Variants in EIPR1 observed in about 807,000 individuals in gnomAD.
The protein encoded by EIPR1 is EARP and GARP complex-interacting protein 1.
In EIPR1, 25 loss-of-function variants were observed where a neutral mutation model predicts 48.1. That is an observed-to-expected ratio of 0.52 (90% CI 0.38 to 0.73). EIPR1 has a LOEUF of 0.73. EIPR1 is among the 30% of genes least tolerant of loss of function. The probability of loss-of-function intolerance (pLI) is 0.00; values close to 1 mark genes in which losing one functional copy is unlikely to be tolerated. For missense variants in EIPR1, 415 were observed against 506.2 expected (o/e 0.82, Z 1.73); for synonymous variants, 204 against 201.9 (o/e 1.01, Z -0.09).
At chr2:3,285,354 G>A (rs1239368893) in intron 3 of EIPR1, among the ~76,000 whole-genome samples, 1 of 30,500 alleles carries the variant, frequency 3.3e-5, no homozygotes. Flanking sequence ...CCAGGTCCCA[G>A]CTGTGGTGGA....
chr2:3,309,619 C>T (rs978971309), intron 3 of EIPR1, among the ~76,000 whole-genome samples: 4 of 152,094 alleles, frequency 2.6e-5, no homozygotes, highest in Admixed American at 2.0e-4. Flanking sequence ...CAAAAAATCC[C>T]ACCTCCCAAA....
chr2:3,331,024 G>T (rs1191673807), intron 3 of EIPR1, among the ~76,000 whole-genome samples: 1 of 151,840 alleles, frequency 6.6e-6, no homozygotes, highest in Non-Finnish European at 1.5e-5. Flanking sequence ...GGTGGTGTGA[G>T]CAGAGGCAGG....
chr2:3,247,336 G>A (rs1249025003), intron 4 of EIPR1, among the ~76,000 whole-genome samples: 2 of 152,144 alleles, frequency 1.3e-5, no homozygotes, highest in African/African-American at 2.4e-5. Context: ...CTACAGTGAA[G>A]GTGCATAACT....
chr2:3,285,679 G>A (rs1225331450), intron 3 of EIPR1, among the ~76,000 whole-genome samples: 2 of 146,054 alleles, frequency 1.4e-5, no homozygotes, highest in Admixed American at 6.8e-5. Flanking sequence ...ACCCTCGCAC[G>A]GAGCAGAAGT....
rs555060968 is a variant in EIPR1, at chr2:3,199,524, C to T, written c.517-2507G>A. On this transcript the variant is annotated intron_variant, in intron 5 of 8. Coordinates refer to ENST00000382125, the MANE Select transcript of EIPR1 (RefSeq NM_003310.5). Reference sequence around the variant, plus strand: ...GTTCGCAGTCCCTGACTTCCTGCAACACCTTGTGGTGGTGAGAAGAGGTCA... The same window carrying T: ...GTTCGCAGTCCCTGACTTCCTGCAATACCTTGTGGTGGTGAGAAGAGGTCA... Among the ~76,000 whole-genome samples, 4 of 152,370 alleles carry T rather than the reference C, an allele frequency of 2.6e-5. No individual in the cohort carries two copies. In the East Asian group the frequency reaches 5.8e-4, roughly 22 times the overall value.
At chr2:3,263,729 G>C (rs1667405528) in intron 3 of EIPR1, among the ~76,000 whole-genome samples, 1 of 152,188 alleles carries the variant, frequency 6.6e-6, no homozygotes, top group African/African-American at 2.4e-5. Context: ...ACGCGGCACG[G>C]TGCCGGACCC....
chr2:3,243,588 G>A (rs1039897554), intron 4 of EIPR1, among the ~76,000 whole-genome samples: 69 of 152,050 alleles, frequency 4.5e-4, no homozygotes, highest in African/African-American at 1.5e-3. Flanking sequence ...CCGAGATCGC[G>A]CCACTGCACT....
At chr2:3,364,613 T>C (rs1400255046) in intron 1 of EIPR1, among the ~76,000 whole-genome samples, 1 of 149,952 alleles carries the variant, frequency 6.7e-6, no homozygotes, top group African/African-American at 2.5e-5. Context: ...CCAGCCTGGG[T>C]GACAGAGTGA....
intron 1 of EIPR1, among the ~76,000 whole-genome samples, chr2:3,357,392 A>T (rs1670754973): frequency 6.6e-6 from 1 of 152,234 alleles, no homozygotes; most frequent in South Asian, 2.1e-4. Context: ...GAGTTGTTAA[A>T]GCAAACTAAA....
At position 3,189,170 on chromosome 2, in the gene EIPR1, C is replaced by A; in HGVS notation, c.*164G>T. On this transcript the variant is annotated 3_prime_UTR_variant, in exon 9 of 9. Coordinates refer to ENST00000382125, the MANE Select transcript of EIPR1 (RefSeq NM_003310.5). This position sits in a 1 kb window ranked among gnomAD's most constrained non-coding sequence, Gnocchi z 4.6. The stretch of plus-strand genomic sequence containing the variant: ...ATTAGCTGTGCCGTCGACAATAGCC[C>A]CATTCACCCCATTCATAAATGCTGC... The A allele has an allele frequency of 1.5e-6, 1 of 675,524 alleles. No individual in the cohort carries two copies. The highest frequency in any genetic ancestry group is 2.3e-6 in the Non-Finnish European group (1 of 440,470). The allele number at this position is 675,524 out of a possible 1,614,324, so 41.8% of individuals were successfully genotyped here. A position where few individuals can be genotyped will look rare whatever the true frequency, so the allele number is the denominator to read the frequency against.
At chr2:3,300,372 C>G (rs1668729559) in intron 3 of EIPR1, among the ~76,000 whole-genome samples, 1 of 152,172 alleles carries the variant, frequency 6.6e-6, no homozygotes, top group Non-Finnish European at 1.5e-5. Flanking sequence ...ATCTAAATGC[C>G]TTTACACAGG....
At chr2:3,274,436 G>C (rs866617110) in intron 3 of EIPR1, 3 of 1,549,584 alleles carry the variant, frequency 1.9e-6, no homozygotes, top group South Asian at 2.4e-5. Flanking sequence ...AAAAAGTCAG[G>C]GCAGAACTGT....
chr2:3,361,761 C>T (rs1247760477), intron 1 of EIPR1, among the ~76,000 whole-genome samples: 2 of 150,408 alleles, frequency 1.3e-5, no homozygotes, highest in Non-Finnish European at 3.0e-5. Context: ...CCTTGGACTC[C>T]CTCACACGGG....
chr2:3,258,556 A>G (rs942519918), intron 3 of EIPR1, among the ~76,000 whole-genome samples: 3 of 152,248 alleles, frequency 2.0e-5, no homozygotes, highest in African/African-American at 7.2e-5. Context: ...GCATTACAAA[A>G]TAACAACGAC....
At chr2:3,358,688 C>A (rs1670789085) in intron 1 of EIPR1, among the ~76,000 whole-genome samples, 1 of 152,178 alleles carries the variant, frequency 6.6e-6, no homozygotes, top group African/African-American at 2.4e-5. Context: ...TGACGCTATC[C>A]AATTTAAACA....
chr2:3,240,033 C>A (rs1300319390), intron 4 of EIPR1, among the ~76,000 whole-genome samples: 1 of 143,812 alleles, frequency 7.0e-6, no homozygotes, highest in East Asian at 2.0e-4. Context: ...GCCAGCAGAT[C>A]CTTCCTAAGG....
intron 2 of EIPR1, among the ~76,000 whole-genome samples, chr2:3,341,121 C>CAAAAAAAAAAAAAA (rs1258563248): frequency 1.1e-5 from 1 of 91,592 alleles, no homozygotes; most frequent in Non-Finnish European, 2.1e-5. Flanking sequence ...AAAAAAAAAA[C>CAAAAAAAAAAAAAA]AAAACAAAAC....
At chr2:3,294,131 A>G (rs1668455282) in intron 3 of EIPR1, among the ~76,000 whole-genome samples, 1 of 152,146 alleles carries the variant, frequency 6.6e-6, no homozygotes, top group East Asian at 1.9e-4. Context: ...ATTGTGTAGA[A>G]GTAATATTGT....
chr2:3,345,930 G>A (rs1670386973), intron 2 of EIPR1, among the ~76,000 whole-genome samples: 1 of 152,108 alleles, frequency 6.6e-6, no homozygotes, highest in Non-Finnish European at 1.5e-5. Context: ...CTTGCTCTTG[G>A]TACAGAAGTC....
Sources: allele counts gnomAD v4.1 joint callset (sites outside exome capture counted in the v4.1 genomes callset), GRCh38; gene constraint gnomAD v4.1.1; non-coding constraint Gnocchi (gnomAD v3.1); transcripts MANE v1.5; gene names NCBI Gene and HGNC (gene_info 2026-07-23, HGNC 2026-07-21).